Variants in GADL1 observed in about 807,000 individuals in gnomAD.
GADL1 encodes GAD like acidic amino acid decarboxylase 1.
In GADL1, 71 loss-of-function variants were observed where a neutral mutation model predicts 69.5. That is an observed-to-expected ratio of 1.02 (90% CI 0.84 to 1.25). The LOEUF (loss-of-function observed/expected upper bound fraction) is 1.25, where lower values mean the gene tolerates loss of function less well. Among genes scored for constraint, GADL1 ranks in the 50% most tolerant of loss-of-function variants. The probability of loss-of-function intolerance (pLI) is 0.00; values close to 1 mark genes in which losing one functional copy is unlikely to be tolerated. For missense variants in GADL1, 737 were observed against 631.8 expected (o/e 1.17, Z -1.79); for synonymous variants, 254 against 214.4 (o/e 1.18, Z -1.62).
At chr3:30,863,140 TAAA>T (rs1418982541) in intron 1 of GADL1, among the ~76,000 whole-genome samples, 1 of 151,884 alleles carries the variant, frequency 6.6e-6, no homozygotes, top group Non-Finnish European at 1.5e-5. Context: ...AATCATTCCT[TAAA>T]AAGCAGCAGC....
chr3:30,770,855 T>A (rs994980194), intron 14 of GADL1, among the ~76,000 whole-genome samples: 18 of 152,132 alleles, frequency 1.2e-4, no homozygotes, highest in Admixed American at 5.2e-4. Flanking sequence ...GAAAAAAAAA[T>A]TTATAATGAG....
rs1381087380 is a variant in GADL1 at position 30,728,118 on chromosome 3, C to T, written c.*124G>A. The T allele has an allele frequency of 2.4e-6, 2 of 820,274 alleles. No homozygotes were observed. Among genetic ancestry groups the T allele is most frequent in the East Asian group, 2.5e-5 (1 of 40,014 alleles). The allele number at this position is 820,274 out of a possible 1,614,324, so 50.8% of individuals were successfully genotyped here. On this transcript the variant is annotated 3_prime_UTR_variant, in exon 15 of 15. Transcript: ENST00000282538. ...TGCTTAGCATTTTGGTTTTGCTGGG[C>T]CTGGACTGGGAGTATTCCCTATTTC...
chr3:30,870,518 C>T (rs951422181), intron 1 of GADL1, among the ~76,000 whole-genome samples: 1 of 151,640 alleles, frequency 6.6e-6, no homozygotes, highest in Non-Finnish European at 1.5e-5. Context: ...ACTCTAAAAT[C>T]AACAAGAAGC....
At chr3:30,894,557 G>T (rs377501502) in intron 1 of GADL1, 21 bp downstream of exon 1, 29 of 1,544,714 alleles carry the variant, frequency 1.9e-5, no homozygotes, top group East Asian at 7.4e-5. Context: ...GACAAAAACC[G>T]CAGCCGCGCT....
chr3:30,753,255 G>A (rs1159996517), intron 14 of GADL1, among the ~76,000 whole-genome samples: 2 of 152,012 alleles, frequency 1.3e-5, no homozygotes, highest in East Asian at 1.9e-4. Context: ...TCCAATCTAC[G>A]TTACATGATC....
intron 13 of GADL1, chr3:30,779,172 C>A (rs189309650): frequency 6.6e-6 from 1 of 152,180 alleles, no homozygotes; most frequent in African/African-American, 2.4e-5. Context: ...ATAGGAAATG[C>A]GATGACTACT....
intron 14 of GADL1, among the ~76,000 whole-genome samples, chr3:30,751,577 T>C (rs1011262259): frequency 2.6e-5 from 4 of 151,856 alleles, no homozygotes; most frequent in African/African-American, 9.7e-5. Flanking sequence ...AAAAAGGCTT[T>C]CTAGAACTTG....
At chr3:30,755,487 ATAAGTGAAGAC>A (rs1695946461) in intron 14 of GADL1, among the ~76,000 whole-genome samples, 1 of 152,236 alleles carries the variant, frequency 6.6e-6, no homozygotes. Context: ...AACCTGAAAG[ATAAGTGAAGAC>A]TTCTCCCCCT....
intron 12 of GADL1, among the ~76,000 whole-genome samples, chr3:30,793,988 G>A (rs1019983134): frequency 1.5e-4 from 23 of 152,096 alleles, no homozygotes; most frequent in African/African-American, 4.6e-4. Flanking sequence ...AGACACCCAC[G>A]TGCTCTATTC....
At chr3:30,750,783 C>CT (rs1695798506) in intron 14 of GADL1, among the ~76,000 whole-genome samples, 1 of 152,272 alleles carries the variant, frequency 6.6e-6, no homozygotes, top group South Asian at 2.1e-4. Flanking sequence ...CTTCTTCAAA[C>CT]TAACTTATTT....
chr3:30,766,573 G>A (rs80345417), intron 14 of GADL1, among the ~76,000 whole-genome samples: 1 of 151,816 alleles, frequency 6.6e-6, no homozygotes, highest in Admixed American at 6.6e-5. Context: ...TTCTCTTAAT[G>A]AGGAAACAGG....
intron 9 of GADL1, among the ~76,000 whole-genome samples, chr3:30,835,947 T>G (rs1037206640): frequency 1.3e-5 from 2 of 152,084 alleles, no homozygotes; most frequent in African/African-American, 4.8e-5. Flanking sequence ...TCTAGGAAAA[T>G]TTTATCCCCA....
intron 1 of GADL1, among the ~76,000 whole-genome samples, chr3:30,891,354 C>T (rs927392954): frequency 1.3e-5 from 2 of 152,112 alleles, no homozygotes; most frequent in Non-Finnish European, 2.9e-5. Context: ...GTGCGAACCT[C>T]CCAAAACTGA....
chr3:30,829,463 T>C (rs183390534), intron 11 of GADL1, among the ~76,000 whole-genome samples: 27 of 151,932 alleles, frequency 1.8e-4, no homozygotes, highest in Middle Eastern at 3.4e-3. Context: ...TAAACTAGAG[T>C]TATCCTTTTA....
chr3:30,881,575 AG>A (rs1387861877), intron 1 of GADL1, among the ~76,000 whole-genome samples: 1 of 151,924 alleles, frequency 6.6e-6, no homozygotes, highest in Non-Finnish European at 1.5e-5. Context: ...GTATAAAAAA[AG>A]ATATAAGAAC....
At chr3:30,742,394 TCTGA>T (rs1336011507) in intron 14 of GADL1, among the ~76,000 whole-genome samples, 6 of 152,012 alleles carry the variant, frequency 3.9e-5, no homozygotes, top group Admixed American at 3.9e-4. Context: ...ATAAAATTAT[TCTGA>T]CTAAAAAGCT....
At position 30,742,717 on chromosome 3, in the gene GADL1, T is replaced by G. The variant is rs576198805; in HGVS notation, c.1393-14302A>C. Among the ~76,000 whole-genome samples, 3 of 152,274 alleles carry G rather than the reference T, an allele frequency of 2.0e-5. No individual in the cohort carries two copies. The South Asian group carries it at 6.2e-4, about 32-fold the overall frequency. On this transcript the variant is annotated intron_variant, in intron 14 of 14. Transcript: ENST00000282538. ...TAAGGGGAAGGTATTTCATGTTTAA[T>G]ATATATAGTTCTAAATATCATACAA...
intron 11 of GADL1, among the ~76,000 whole-genome samples, chr3:30,805,871 C>T (rs1441390489): frequency 1.3e-5 from 2 of 150,666 alleles, no homozygotes; most frequent in African/African-American, 2.4e-5. Context: ...GCATTAGAGT[C>T]TCATAAGAAT....
At chr3:30,848,982 C>A (rs893605394) in intron 6 of GADL1, among the ~76,000 whole-genome samples, 6 of 152,142 alleles carry the variant, frequency 3.9e-5, no homozygotes, top group African/African-American at 1.4e-4. Flanking sequence ...TGGGTCTGGG[C>A]TCACAGATGG....
Sources: allele counts gnomAD v4.1 joint callset (sites outside exome capture counted in the v4.1 genomes callset), GRCh38; gene constraint gnomAD v4.1.1; transcripts MANE v1.5; gene names NCBI Gene and HGNC (gene_info 2026-07-23, HGNC 2026-07-21).